VPS50: variants seen among roughly 807,000 people sequenced by gnomAD.
VPS50 encodes the protein VPS50 subunit of EARP/GARPII complex.
VPS50 carries 70 observed loss-of-function variants against 139.7 expected under a neutral mutation model. The observed-to-expected ratio is 0.50, with a 90% confidence interval of 0.41 to 0.61. The LOEUF (loss-of-function observed/expected upper bound fraction) is 0.61, where lower values mean the gene tolerates loss of function less well. Ranked by LOEUF, VPS50 falls within the 20% of genes least tolerant of loss-of-function variation. The pLI is 0.00. For missense variants in VPS50, 921 were observed against 1,133.7 expected, an observed-to-expected ratio of 0.81 and a Z score of 2.69; for synonymous variants, 365 against 376.7, an observed-to-expected ratio of 0.97 and a Z score of 0.36.
chr7:93,289,300 C>T (rs1796581716), intron 12 of VPS50, among the ~76,000 whole-genome samples: 1 of 151,924 alleles, frequency 6.6e-6, no homozygotes, highest in Admixed American at 6.6e-5. Flanking sequence ...TGTTGAAGGG[C>T]CATTTTTGTA....
At chr7:93,278,144 A>G (rs1006089294) in intron 12 of VPS50, among the ~76,000 whole-genome samples, 30 of 152,194 alleles carry the variant, frequency 2.0e-4, no homozygotes, top group Non-Finnish European at 3.8e-4. Flanking sequence ...GCTTTTAAAA[A>G]AGTCAAAGAC....
At chr7:93,245,849 G>A (rs990303409) in intron 2 of VPS50, among the ~76,000 whole-genome samples, 3 of 151,818 alleles carry the variant, frequency 2.0e-5, no homozygotes, top group Non-Finnish European at 2.9e-5. Context: ...TTAGGAGAAC[G>A]TGCCATTTCC....
chr7:93,301,353 T>C (rs1264524320), intron 16 of VPS50, among the ~76,000 whole-genome samples: 3 of 152,120 alleles, frequency 2.0e-5, no homozygotes, highest in Non-Finnish European at 2.9e-5. Flanking sequence ...CATTTCAATA[T>C]GCACTTATGT....
intron 25 of VPS50, among the ~76,000 whole-genome samples, chr7:93,353,158 T>A (rs1035111610): frequency 2.6e-4 from 39 of 152,180 alleles, no homozygotes; most frequent in African/African-American, 8.9e-4. Flanking sequence ...CATATCATTA[T>A]TTATTTTTAA....
At chr7:93,303,118 A>G (rs1797026463) in intron 16 of VPS50, among the ~76,000 whole-genome samples, 3 of 151,962 alleles carry the variant, frequency 2.0e-5, no homozygotes, top group South Asian at 4.1e-4. Context: ...TTTTAGCATC[A>G]ATATATAATC....
At chr7:93,301,979 T>C (rs1470675277) in intron 16 of VPS50, among the ~76,000 whole-genome samples, 2 of 152,216 alleles carry the variant, frequency 1.3e-5, no homozygotes, top group South Asian at 2.1e-4. Flanking sequence ...TGGTATCTTA[T>C]TATGTTTTGG....
chr7:93,267,221 C>T (rs2116868286), intron 9 of VPS50, among the ~76,000 whole-genome samples: 1 of 152,250 alleles, frequency 6.6e-6, no homozygotes. Context: ...ACTCATTATT[C>T]CACTTGTCCT....
intron 9 of VPS50, among the ~76,000 whole-genome samples, chr7:93,267,742 A>G (rs910502353): frequency 1.3e-5 from 2 of 152,222 alleles, no homozygotes; most frequent in Non-Finnish European, 2.9e-5. Context: ...TGAGTGAGAA[A>G]GGAAGAAAGG....
intron 12 of VPS50, among the ~76,000 whole-genome samples, chr7:93,286,603 C>A (rs1234073655): frequency 6.6e-6 from 1 of 152,226 alleles, no homozygotes; most frequent in African/African-American, 2.4e-5. Flanking sequence ...CCATTATGCT[C>A]TGCAGATGTG....
In VPS50 at chr7:93,350,014, A is replaced by G; in HGVS notation, c.2444A>G (p.Tyr815Cys). 1 of 1,612,676 alleles carries G rather than the reference A, an allele frequency of 6.2e-7. No homozygotes were observed. Among genetic ancestry groups the G allele is most frequent in the South Asian group, 1.1e-5 (1 of 90,896 alleles). The change falls in exon 25 of 28, where the codon TAT becomes TGT. Residue 815 changes from tyrosine (Y) to cysteine (C), a missense_variant. By Grantham distance (194) the Tyr-to-Cys change is radical (BLOSUM62 -2). This residue lies in a region of VPS50 where 19 missense variants were observed against 46.8 expected (regional missense o/e 0.41). Coordinates refer to ENST00000305866, the MANE Select transcript of VPS50 (RefSeq NM_017667.4). Reference sequence around the variant, plus strand: ...GAAATTATGTCACAGCACAACATATATGTAGATGCACTATTAAAGGCAAGT... The same window carrying G: ...GAAATTATGTCACAGCACAACATATGTGTAGATGCACTATTAAAGGCAAGT... ...VKEIMSQHNI[Y>C]VDALLKEFEQ...
chr7:93,355,239 T>A (rs1177615810), intron 26 of VPS50, among the ~76,000 whole-genome samples: 1 of 152,164 alleles, frequency 6.6e-6, no homozygotes, highest in African/African-American at 2.4e-5. Flanking sequence ...TATGATTGAT[T>A]GAAGAAATGA....
chr7:93,328,349 T>C (rs1470703524), intron 21 of VPS50, among the ~76,000 whole-genome samples: 1 of 152,212 alleles, frequency 6.6e-6, no homozygotes, highest in African/African-American at 2.4e-5. Context: ...CGAAGGTTCT[T>C]ACTTGACAAC....
chr7:93,258,078 A>T, intron 6 of VPS50, 81 bp from the exon 7 acceptor site: 1 of 656,248 alleles, frequency 1.5e-6, no homozygotes, highest in Non-Finnish European at 2.7e-6. Flanking sequence ...TCACTGCTTC[A>T]TTAGTTACCT....
At chr7:93,263,862 A>G (rs771928415) in intron 9 of VPS50, among the ~76,000 whole-genome samples, 12 of 152,228 alleles carry the variant, frequency 7.9e-5, no homozygotes, top group Non-Finnish European at 1.8e-4. Flanking sequence ...ACAGCAACAA[A>G]AATAACAATA....
intron 10 of VPS50, among the ~76,000 whole-genome samples, chr7:93,271,803 G>C (rs1237478852): frequency 6.6e-6 from 1 of 151,306 alleles, no homozygotes; most frequent in South Asian, 2.1e-4. Context: ...TGCAAAGGAG[G>C]GTATTCATTT....
At chr7:93,333,944 C>T (rs1739768562) in intron 21 of VPS50, 173 bp from the exon 22 acceptor site, 1 of 555,504 alleles carries the variant, frequency 1.8e-6, no homozygotes, top group Admixed American at 3.7e-5. Flanking sequence ...TTCTTTGGTT[C>T]CCTTGAGATT....
chr7:93,351,892 A>C (rs1290714173), intron 25 of VPS50, among the ~76,000 whole-genome samples: 1 of 152,226 alleles, frequency 6.6e-6, no homozygotes, highest in Non-Finnish European at 1.5e-5. Flanking sequence ...GTTATAAGAA[A>C]GAACTCGTGT....
In VPS50 at chr7:93,353,743, A is replaced by C. The variant is rs766556971; in HGVS notation, c.2567A>C (p.Asn856Thr). 1 of 1,608,810 alleles carries C rather than the reference A, an allele frequency of 6.2e-7. No homozygotes were observed. The highest frequency in any genetic ancestry group is 8.5e-7 in the Non-Finnish European group (1 of 1,177,412). ...TGGGAACATTGTATACGATTGGCTA[A>C]TCGAACTATTGTAGAAGGGTAAGTT... Reference protein sequence around the residue: ...ILWEHCIRLANRTIVEGYANV... With the variant: ...ILWEHCIRLATRTIVEGYANV... Residue 856 changes from asparagine to threonine, a missense_variant, in exon 26 of 28, where the codon AAT (asparagine) becomes ACT (threonine). Asn to Thr is a moderately conservative substitution (Grantham distance 65, BLOSUM62 0). Transcript: ENST00000305866.
intron 9 of VPS50, among the ~76,000 whole-genome samples, chr7:93,261,793 C>T (rs570695249): frequency 1.1e-4 from 16 of 151,470 alleles, no homozygotes; most frequent in African/African-American, 3.6e-4. Context: ...AGGACCTGAA[C>T]GAGGAGCAGG....
Sources: allele counts gnomAD v4.1 joint callset (sites outside exome capture counted in the v4.1 genomes callset), GRCh38; gene constraint gnomAD v4.1.1; regional missense constraint gnomAD v4.1.1; transcripts MANE v1.5; gene names NCBI Gene and HGNC (gene_info 2026-07-23, HGNC 2026-07-21).